Variants in GALNT13 observed in about 807,000 individuals in gnomAD.
GALNT13 encodes the protein polypeptide N-acetylgalactosaminyltransferase 13.
Under a neutral mutation model 64.2 loss-of-function variants are expected in GALNT13, and 28 were observed. That is an observed-to-expected ratio of 0.44 (90% CI 0.32 to 0.60). The LOEUF is 0.60. Among genes scored for constraint, GALNT13 ranks in the 20% least tolerant of loss-of-function variants. The pLI, the probability that GALNT13 is intolerant of heterozygous loss-of-function variation, is 0.05. For synonymous variants in GALNT13, 214 were observed against 224.6 expected (o/e 0.95, Z 0.42); for missense variants, 577 against 669.8 (o/e 0.86, Z 1.53).
the GALNT13 span, chr2:153,159,468 T>TTTG: frequency 1.3e-5 from 2 of 152,330 alleles, no homozygotes; most frequent in South Asian, 4.1e-4. Flanking sequence ...AACATTGCTA[T>TTTG]GACTTTGGAG....
At chr2:154,029,610 T>G (rs1422412658) in intron 3 of GALNT13, among the ~76,000 whole-genome samples, 1 of 152,262 alleles carries the variant, frequency 6.6e-6, no homozygotes, top group East Asian at 1.9e-4. Flanking sequence ...CACTATTTAC[T>G]CATTCTTTAA....
intron 3 of GALNT13, among the ~76,000 whole-genome samples, chr2:154,031,457 A>G (rs1273681835): frequency 2.6e-5 from 4 of 152,164 alleles, no homozygotes; most frequent in Middle Eastern, 3.5e-3. Flanking sequence ...TAATTTAAAA[A>G]CTGAATGACA....
At chr2:154,056,778 A>G (rs1290159034) in intron 3 of GALNT13, among the ~76,000 whole-genome samples, 1 of 152,104 alleles carries the variant, frequency 6.6e-6, no homozygotes, top group African/African-American at 2.4e-5. Context: ...TAGAGTGCCA[A>G]AACAATACAA....
At chr2:153,169,375 T>C in the GALNT13 span, among the ~76,000 whole-genome samples, 3 of 152,212 alleles carry the variant, frequency 2.0e-5, no homozygotes, top group Admixed American at 6.5e-5. Flanking sequence ...AGGATGGCCA[T>C]GATTCTTGTT....
rs182262222 is a variant in GALNT13 at position 154,233,350 on chromosome 2, G to A, written c.312-8680G>A. Among the ~76,000 whole-genome samples, 12 of 152,222 alleles carry A rather than the reference G, an allele frequency of 7.9e-5. No homozygotes were observed. In the East Asian group the frequency reaches 2.3e-3, roughly 29 times the overall value. The stretch of plus-strand genomic sequence containing the variant: ...TGGGTAGACATAATAACGAAGTTCT[G>A]GAGGTTAATTGATAAGCAACCAGTT... On this transcript the variant is annotated intron_variant, in intron 4 of 12. Transcript: ENST00000392825.
chr2:153,080,339 T>A, the GALNT13 span, among the ~76,000 whole-genome samples: 4 of 152,142 alleles, frequency 2.6e-5, no homozygotes, highest in African/African-American at 9.6e-5. Flanking sequence ...CTCTGGTAAT[T>A]GCTTTAGCCC....
In GALNT13 at chr2:154,018,713, G is replaced by A. The variant is rs191825766; in HGVS notation, c.142+74074G>A. ...GTGAGAGAATGGTGGAACGGGTGAGGGGATGAGGCAGAGAGAATGATGAAG... is the reference window on the plus strand; with the variant it reads ...GTGAGAGAATGGTGGAACGGGTGAGAGGATGAGGCAGAGAGAATGATGAAG... On this transcript the variant is annotated intron_variant, in intron 3 of 12. Coordinates refer to ENST00000392825, the MANE Select transcript of GALNT13 (RefSeq NM_052917.4). Among the ~76,000 whole-genome samples the A allele has an allele frequency of 9.9e-5, 15 of 151,074 alleles. 1 individual carries two copies. The Middle Eastern group carries it at 0.014, about 140-fold the overall frequency.
intron 8 of GALNT13, among the ~76,000 whole-genome samples, chr2:154,280,102 C>A (rs1235989778): frequency 6.6e-6 from 1 of 152,126 alleles, no homozygotes; most frequent in Non-Finnish European, 1.5e-5. Context: ...CAAAATGACT[C>A]TAGCTGATTA....
At chr2:153,399,055 A>G in the GALNT13 span, among the ~76,000 whole-genome samples, 413 of 129,136 alleles carry the variant, frequency 3.2e-3, 1 homozygote, top group African/African-American at 0.012. Context: ...TTATGGTTTT[A>G]GGTCTAACGT....
the GALNT13 span, among the ~76,000 whole-genome samples, chr2:153,257,045 G>T: frequency 6.6e-6 from 1 of 152,198 alleles, no homozygotes; most frequent in Middle Eastern, 3.2e-3. Context: ...GCGCCCCTCC[G>T]CCAGCCTCGC....
At chr2:153,769,090 A>G in the GALNT13 span, among the ~76,000 whole-genome samples, 1 of 152,060 alleles carries the variant, frequency 6.6e-6, no homozygotes. Flanking sequence ...GAGGCCATTT[A>G]CCTTCCAGGT....
chr2:153,275,234 A>T, the GALNT13 span, among the ~76,000 whole-genome samples: 1 of 152,206 alleles, frequency 6.6e-6, no homozygotes, highest in Non-Finnish European at 1.5e-5. Flanking sequence ...TTCATAAATA[A>T]TAACATAGTC....
intron 4 of GALNT13, among the ~76,000 whole-genome samples, chr2:154,163,089 T>G (rs1442204732): frequency 2.0e-5 from 3 of 150,774 alleles, no homozygotes; most frequent in Non-Finnish European, 4.4e-5. Flanking sequence ...CCATTAACTC[T>G]TTATTTAACA....
the GALNT13 span, among the ~76,000 whole-genome samples, chr2:153,794,485 A>C: frequency 2.6e-5 from 4 of 151,732 alleles, no homozygotes; most frequent in Non-Finnish European, 5.9e-5. Context: ...GTGTTGGCTT[A>C]TTTTCCAAGA....
At chr2:154,264,498 A>G (rs1165908819) in intron 8 of GALNT13, among the ~76,000 whole-genome samples, 2 of 148,758 alleles carry the variant, frequency 1.3e-5, no homozygotes, top group Admixed American at 6.7e-5. Flanking sequence ...TTAGCTGGGC[A>G]TGGTGGTGGA....
chr2:153,086,317 A>G, the GALNT13 span, among the ~76,000 whole-genome samples: 1 of 152,280 alleles, frequency 6.6e-6, no homozygotes, highest in East Asian at 1.9e-4. Context: ...TGAAATGTGA[A>G]GACATGAGAT....
chr2:153,820,726 A>T, the GALNT13 span, among the ~76,000 whole-genome samples: 1 of 152,090 alleles, frequency 6.6e-6, no homozygotes. Flanking sequence ...TTCTAAACAT[A>T]AAAACAAAAT....
At chr2:153,803,679 G>A in the GALNT13 span, among the ~76,000 whole-genome samples, 5 of 126,038 alleles carry the variant, frequency 4.0e-5, no homozygotes, top group African/African-American at 6.1e-5. Flanking sequence ...GCGACAGATC[G>A]AGACTCTGTC....
intron 4 of GALNT13, among the ~76,000 whole-genome samples, chr2:154,163,978 T>C (rs1313523945): frequency 6.6e-6 from 1 of 152,206 alleles, no homozygotes; most frequent in Non-Finnish European, 1.5e-5. Context: ...GGATTTCATC[T>C]TAAAATGAAG....
Sources: allele counts gnomAD v4.1 joint callset (sites outside exome capture counted in the v4.1 genomes callset), GRCh38; gene constraint gnomAD v4.1.1; transcripts MANE v1.5; gene names NCBI Gene and HGNC (gene_info 2026-07-23, HGNC 2026-07-21).